CTNNA3: variants seen among roughly 807,000 people sequenced by gnomAD.
The protein encoded by CTNNA3 is catenin alpha 3.
In CTNNA3, 76 loss-of-function variants were observed where a neutral mutation model predicts 95.7. The ratio of observed to expected loss-of-function variants is 0.79; its 90% CI spans 0.66 to 0.96. The LOEUF is 0.96. Among genes scored for constraint, CTNNA3 ranks in the 40% least tolerant of loss-of-function variants. The pLI, the probability that CTNNA3 is intolerant of heterozygous loss-of-function variation, is 0.00. For missense variants in CTNNA3, 1,191 were observed against 1,089.8 expected (o/e 1.09, Z -1.31); for synonymous variants, 431 against 374.4 (o/e 1.15, Z -1.74).
intron 12 of CTNNA3, among the ~76,000 whole-genome samples, chr10:66,324,554 A>C (rs965436724): frequency 1.3e-5 from 2 of 152,064 alleles, no homozygotes; most frequent in African/African-American, 4.8e-5. Flanking sequence ...ACCCCTAGAC[A>C]CTACCACAGG....
chr10:66,598,347 G>T (rs1418515300), intron 10 of CTNNA3, among the ~76,000 whole-genome samples: 1 of 151,958 alleles, frequency 6.6e-6, no homozygotes, highest in East Asian at 1.9e-4. Flanking sequence ...CTAAGATCAG[G>T]AATAAGACAA....
At chr10:67,526,676 T>C (rs1365583262) in intron 4 of CTNNA3, among the ~76,000 whole-genome samples, 2 of 152,176 alleles carry the variant, frequency 1.3e-5, no homozygotes. Context: ...ATACCAGACA[T>C]GTAAGAAACA....
chr10:66,945,851 G>A (rs1564786420), intron 7 of CTNNA3, among the ~76,000 whole-genome samples: 2 of 152,064 alleles, frequency 1.3e-5, no homozygotes, highest in African/African-American at 2.4e-5. Flanking sequence ...GTAAGGGAGG[G>A]AAATAGAGAA....
chr10:66,350,950 T>C (rs1013590042), intron 12 of CTNNA3, among the ~76,000 whole-genome samples: 7 of 152,078 alleles, frequency 4.6e-5, no homozygotes, highest in Non-Finnish European at 8.8e-5. Context: ...AATCTTCTGA[T>C]AACTTGATAG....
chr10:67,431,927 T>C (rs763118585), intron 5 of CTNNA3, among the ~76,000 whole-genome samples: 24 of 152,028 alleles, frequency 1.6e-4, no homozygotes, highest in Non-Finnish European at 2.6e-4. Context: ...ATTCCAGTTA[T>C]GGCACCACTA....
chr10:67,213,299 T>A (rs1864217478), intron 6 of CTNNA3, among the ~76,000 whole-genome samples: 1 of 151,756 alleles, frequency 6.6e-6, no homozygotes, highest in Non-Finnish European at 1.5e-5. Context: ...TGACTCCTCT[T>A]CTGACTTTCA....
chr10:66,281,724 C>G (rs1387161150), intron 12 of CTNNA3, among the ~76,000 whole-genome samples: 1 of 151,772 alleles, frequency 6.6e-6, no homozygotes, highest in Non-Finnish European at 1.5e-5. Context: ...TAAGTTGTAT[C>G]TGCTTGTATG....
At chr10:66,096,705 G>A (rs2081405159) in intron 14 of CTNNA3, among the ~76,000 whole-genome samples, 1 of 151,900 alleles carries the variant, frequency 6.6e-6, no homozygotes, top group African/African-American at 2.4e-5. Flanking sequence ...TGTATTTTTA[G>A]TAGAGATGGT....
chr10:67,223,205 A>T (rs2132274465), intron 5 of CTNNA3, among the ~76,000 whole-genome samples: 1 of 152,370 alleles, frequency 6.6e-6, no homozygotes. Flanking sequence ...CCCAAAGGAC[A>T]TCAAGCATGA....
At chr10:66,160,591 A>G (rs2084790638) in intron 13 of CTNNA3, among the ~76,000 whole-genome samples, 1 of 151,980 alleles carries the variant, frequency 6.6e-6, no homozygotes. Context: ...GGCTCATTTT[A>G]TGGCCTATTA....
intron 7 of CTNNA3, among the ~76,000 whole-genome samples, chr10:66,903,324 A>G (rs1242070373): frequency 6.6e-6 from 1 of 152,212 alleles, no homozygotes; most frequent in Non-Finnish European, 1.5e-5. Context: ...ACAAAATTCA[A>G]TAGCCCTTCC....
At chr10:67,445,928 C>CCTCA (rs1846727106) in intron 5 of CTNNA3, among the ~76,000 whole-genome samples, 1 of 152,094 alleles carries the variant, frequency 6.6e-6, no homozygotes, top group Non-Finnish European at 1.5e-5. Context: ...TTCATTTTGT[C>CCTCA]CTAGTGTCTG....
intron 9 of CTNNA3, among the ~76,000 whole-genome samples, chr10:66,744,625 T>G (rs550381506): frequency 2.6e-5 from 4 of 152,182 alleles, no homozygotes; most frequent in Non-Finnish European, 5.9e-5. Flanking sequence ...GCATTTATAT[T>G]TTAAATATTT....
intron 1 of CTNNA3, among the ~76,000 whole-genome samples, chr10:67,667,032 C>G (rs1840343583): frequency 6.6e-6 from 1 of 152,094 alleles, no homozygotes; most frequent in Non-Finnish European, 1.5e-5. Flanking sequence ...AAAACAAATC[C>G]TGAAGAAAAC....
chr10:66,432,586 G>A (rs552147026), intron 11 of CTNNA3, among the ~76,000 whole-genome samples: 30 of 151,896 alleles, frequency 2.0e-4, no homozygotes, highest in South Asian at 6.3e-4. Context: ...GCATGAACCC[G>A]GGAGGTGGAG....
intron 12 of CTNNA3, among the ~76,000 whole-genome samples, chr10:66,318,048 T>A (rs906831552): frequency 6.6e-6 from 1 of 152,142 alleles, no homozygotes; most frequent in East Asian, 1.9e-4. Context: ...TGCTTGAAAG[T>A]TTTAAAATAA....
chr10:67,539,979 A>C (rs1402850047), intron 3 of CTNNA3, among the ~76,000 whole-genome samples: 3 of 152,188 alleles, frequency 2.0e-5, no homozygotes, highest in Non-Finnish European at 4.4e-5. Context: ...AAAAGGTTTT[A>C]TTACTAAAGC....
chr10:67,580,245 A>G (rs937288644), intron 3 of CTNNA3, among the ~76,000 whole-genome samples: 3 of 152,162 alleles, frequency 2.0e-5, no homozygotes, highest in African/African-American at 7.2e-5. Flanking sequence ...AGGTGTAAGG[A>G]AGGGATTCAG....
chr10:67,251,405 G>A (rs1866103689), intron 5 of CTNNA3, among the ~76,000 whole-genome samples: 1 of 152,134 alleles, frequency 6.6e-6, no homozygotes, highest in South Asian at 2.1e-4. Flanking sequence ...GTTATATATT[G>A]ATTGTCATAC....
Sources: gnomAD v4.1 joint callset for allele counts (sites outside exome capture counted in the v4.1 genomes callset) on GRCh38, gnomAD v4.1.1 for gene constraint, MANE v1.5 for transcripts, NCBI Gene and HGNC (gene_info 2026-07-23, HGNC 2026-07-21) for gene names.